NIPAL3: variants seen among roughly 807,000 people sequenced by gnomAD.
The protein encoded by NIPAL3 is NIPA like domain containing 3.
Under a neutral mutation model 47.2 loss-of-function variants are expected in NIPAL3, and 41 were observed. The observed-to-expected ratio is 0.87, with a 90% confidence interval of 0.68 to 1.13. The LOEUF (loss-of-function observed/expected upper bound fraction) is 1.13. Among genes scored for constraint, NIPAL3 ranks in the 50% most tolerant of loss-of-function variants. NIPAL3 has a pLI of 0.00. For missense variants in NIPAL3, 449 were observed against 530.1 expected (o/e 0.85, Z 1.50); for synonymous variants, 194 against 209.6 (o/e 0.93, Z 0.64).
Position 24,445,260 on chromosome 1 carries a change from T to C in NIPAL3, c.394+16T>C. The C allele has an allele frequency of 6.3e-7, 1 of 1,576,730 alleles. No homozygotes were observed. Among genetic ancestry groups the C allele is most frequent in the Non-Finnish European group, 8.7e-7 (1 of 1,146,320 alleles). On this transcript the variant is annotated intron_variant, in intron 5 of 11. Transcript: ENST00000374399. Reference sequence around the variant, plus strand: ...GACTTTCTGAGTAAGTTCAGTGATTTGAGCTGTGTCCTTGATTTTATATGA... The same window carrying C: ...GACTTTCTGAGTAAGTTCAGTGATTCGAGCTGTGTCCTTGATTTTATATGA...
At chr1:24,420,514 A>G (rs1557481562) in intron 2 of NIPAL3, among the ~76,000 whole-genome samples, 1 of 151,982 alleles carries the variant, frequency 6.6e-6, no homozygotes, top group African/African-American at 2.4e-5. Context: ...CCAAAAAAAA[A>G]GTATATATAT....
chr1:24,465,115 C>T (rs1054222512), intron 11 of NIPAL3: 1 of 152,228 alleles, frequency 6.6e-6, no homozygotes, highest in African/African-American at 2.4e-5. Context: ...TGTGCTCCTT[C>T]AACCCAGCTT....
chr1:24,444,410 C>G (rs1183338938), intron 4 of NIPAL3, among the ~76,000 whole-genome samples: 1 of 152,162 alleles, frequency 6.6e-6, no homozygotes, highest in African/African-American at 2.4e-5. Flanking sequence ...ATTTGTAGCG[C>G]TTGCCAGTTT....
At chr1:24,434,143 C>T (rs186161197) in intron 2 of NIPAL3, among the ~76,000 whole-genome samples, 2 of 152,122 alleles carry the variant, frequency 1.3e-5, no homozygotes, top group East Asian at 3.9e-4. Context: ...AAGTAAAAGG[C>T]AGAGATTGGC....
upstream of NIPAL3, chr1:24,415,716 T>A: frequency 4.8e-6 from 2 of 420,828 alleles, no homozygotes; most frequent in Non-Finnish European, 6.4e-6. Context: ...CTGCGCGAAA[T>A]GCCTGCCAAC....
At chr1:24,466,067 A>T in intron 11 of NIPAL3, 1 of 1,612,172 alleles carries the variant, frequency 6.2e-7, no homozygotes, top group Non-Finnish European at 8.5e-7. Context: ...AATTTACCAC[A>T]TCACAATTTG....
At chr1:24,436,856 G>A (rs1282440940) in intron 2 of NIPAL3, among the ~76,000 whole-genome samples, 2 of 152,104 alleles carry the variant, frequency 1.3e-5, no homozygotes, top group African/African-American at 4.8e-5. Context: ...AGGAAGAATA[G>A]GGAAAAGTAC....
At chr1:24,436,025 C>A (rs554022674) in intron 2 of NIPAL3, among the ~76,000 whole-genome samples, 291 of 152,298 alleles carry the variant, frequency 1.9e-3, no homozygotes, top group African/African-American at 6.6e-3. Context: ...CTCTCTTGGG[C>A]CTCTTTTATA....
chr1:24,440,706 T>A (rs1645340066), intron 3 of NIPAL3, among the ~76,000 whole-genome samples: 2 of 152,202 alleles, frequency 1.3e-5, no homozygotes, highest in African/African-American at 4.8e-5. Context: ...TGATAGCTAA[T>A]GAGCTTCTCA....
At chr1:24,461,883 G>A (rs1331302021) in intron 10 of NIPAL3, among the ~76,000 whole-genome samples, 1 of 151,782 alleles carries the variant, frequency 6.6e-6, no homozygotes, top group Non-Finnish European at 1.5e-5. Context: ...AAAAAAAGTG[G>A]CCTTACCCTA....
intron 8 of NIPAL3, chr1:24,457,724 G>A (rs41268761): frequency 0.097 from 51,786 of 532,450 alleles, 2,985 homozygotes; most frequent in Non-Finnish European, 0.12. Context: ...CTCTTCTGTC[G>A]CCTACTCAGC....
chr1:24,429,030 A>T (rs926896916), intron 2 of NIPAL3, among the ~76,000 whole-genome samples: 4 of 152,214 alleles, frequency 2.6e-5, no homozygotes, highest in Non-Finnish European at 5.9e-5. Flanking sequence ...AGGCCATCTC[A>T]TCTTGGTCTC....
chr1:24,463,232 T>C (rs151102548), intron 10 of NIPAL3, among the ~76,000 whole-genome samples: 104 of 152,204 alleles, frequency 6.8e-4, no homozygotes, highest in Non-Finnish European at 1.1e-3. Context: ...ATCTTAACAT[T>C]TTATCAAATG....
At chr1:24,426,088 C>G (rs1270577158) in intron 2 of NIPAL3, among the ~76,000 whole-genome samples, 1 of 152,180 alleles carries the variant, frequency 6.6e-6, no homozygotes, top group African/African-American at 2.4e-5. Context: ...TGTGACGAAA[C>G]TGGCGCAGAG....
rs983015676 is a variant in NIPAL3, at chr1:24,470,530, G to C, written c.*1345G>C. 2 of 152,112 alleles carry C rather than the reference G, an allele frequency of 1.3e-5. No homozygotes were observed. The highest frequency in any genetic ancestry group is 4.8e-5 in the African/African-American group (2 of 41,408). The allele number at this position is 152,112 out of a possible 1,614,324, so 9.4% of individuals were successfully genotyped here. A position where few individuals can be genotyped will look rare whatever the true frequency, so the allele number is the denominator to read the frequency against. The stretch of plus-strand genomic sequence containing the variant: ...AAGATGTTCTGCTAAAACCCCCAGG[G>C]CCCCATGCAGTCTTGCTAGAAAATT... On this transcript the variant is annotated 3_prime_UTR_variant, in exon 12 of 12. Coordinates refer to ENST00000374399, the MANE Select transcript of NIPAL3 (RefSeq NM_020448.5).
At chr1:24,425,209 G>A (rs1465743087) in intron 2 of NIPAL3, among the ~76,000 whole-genome samples, 2 of 152,228 alleles carry the variant, frequency 1.3e-5, no homozygotes, top group African/African-American at 4.8e-5. Context: ...GCTGGGTGGG[G>A]CGGGAGCTAT....
At chr1:24,438,549 G>C (rs1645231770) in intron 2 of NIPAL3, among the ~76,000 whole-genome samples, 1 of 152,242 alleles carries the variant, frequency 6.6e-6, no homozygotes, top group East Asian at 1.9e-4. Flanking sequence ...GGAGAGGGCA[G>C]GGGGGAGGGT....
intron 3 of NIPAL3, among the ~76,000 whole-genome samples, chr1:24,441,049 C>G (rs965204635): frequency 2.6e-5 from 4 of 152,210 alleles, no homozygotes. Flanking sequence ...CTCCCACATT[C>G]TTGTCTCAGG....
At chr1:24,436,832 T>C (rs1645135731) in intron 2 of NIPAL3, among the ~76,000 whole-genome samples, 4 of 152,182 alleles carry the variant, frequency 2.6e-5, no homozygotes, top group Admixed American at 2.6e-4. Context: ...ACCAGGGTTT[T>C]AGTTGTACAT....
Sources: allele counts gnomAD v4.1 joint callset (sites outside exome capture counted in the v4.1 genomes callset), GRCh38; gene constraint gnomAD v4.1.1; transcripts MANE v1.5; gene names NCBI Gene and HGNC (gene_info 2026-07-23, HGNC 2026-07-21).